The following MFHAS1 variants were observed in gnomAD, a reference collection of about 807,000 sequenced individuals.
MFHAS1 encodes the protein multifunctional ROCO family signaling regulator 1.
Under a neutral mutation model 70.4 loss-of-function variants are expected in MFHAS1, and 50 were observed. The observed-to-expected ratio is 0.71, with a 90% CI of 0.57 to 0.90. The LOEUF (loss-of-function observed/expected upper bound fraction) is 0.90. MFHAS1 is among the 40% of genes least tolerant of loss of function. The probability of loss-of-function intolerance (pLI) is 0.00; values close to 1 mark genes in which losing one functional copy is unlikely to be tolerated. For missense variants in MFHAS1, 1,795 were observed against 1,347.6 expected, an observed-to-expected ratio of 1.33 and a Z score of -5.20; for synonymous variants, 952 against 620.0, an observed-to-expected ratio of 1.54 and a Z score of -7.96.
At chr8:8,800,831 C>A (rs567063609) in intron 1 of MFHAS1, among the ~76,000 whole-genome samples, 2 of 152,242 alleles carry the variant, frequency 1.3e-5, no homozygotes, top group Admixed American at 1.3e-4. Flanking sequence ...AGCCCCTGTC[C>A]TCAGCACCCA....
intron 1 of MFHAS1, among the ~76,000 whole-genome samples, chr8:8,879,605 A>C (rs1370222663): frequency 2.0e-5 from 3 of 152,170 alleles, no homozygotes; most frequent in Non-Finnish European, 2.9e-5. Context: ...TTTGCTCAGT[A>C]GGATCACATT....
intron 1 of MFHAS1, among the ~76,000 whole-genome samples, chr8:8,859,343 C>G (rs547231786): frequency 1.3e-5 from 2 of 152,010 alleles, no homozygotes; most frequent in Non-Finnish European, 2.9e-5. Flanking sequence ...GACTCTGTGC[C>G]CCTCACACCA....
intron 2 of MFHAS1, among the ~76,000 whole-genome samples, chr8:8,789,652 G>C (rs1218156193): frequency 6.6e-6 from 1 of 152,080 alleles, no homozygotes; most frequent in Non-Finnish European, 1.5e-5. Context: ...TCCTACTCCG[G>C]ACCTTGCAAA....
At chr8:8,840,639 G>A (rs905546031) in intron 1 of MFHAS1, among the ~76,000 whole-genome samples, 15 of 152,082 alleles carry the variant, frequency 9.9e-5, no homozygotes, top group African/African-American at 3.6e-4. Context: ...TCTTCTGAAG[G>A]CACAATCTTT....
chr8:8,876,780 T>G (rs572094686), intron 1 of MFHAS1, among the ~76,000 whole-genome samples: 1 of 151,912 alleles, frequency 6.6e-6, no homozygotes, highest in Admixed American at 6.6e-5. Context: ...GAAAAGACTT[T>G]TTATCCACAA....
intron 1 of MFHAS1, among the ~76,000 whole-genome samples, chr8:8,805,316 T>A (rs1218548803): frequency 6.6e-6 from 1 of 152,208 alleles, no homozygotes; most frequent in African/African-American, 2.4e-5. Flanking sequence ...ACAAAAAGCC[T>A]ACTGTTGACT....
chr8:8,799,105 C>G (rs1026495032), intron 1 of MFHAS1, among the ~76,000 whole-genome samples: 22 of 151,790 alleles, frequency 1.4e-4, no homozygotes, highest in African/African-American at 4.8e-4. Context: ...GAAGAGCAGT[C>G]CCCCCTTATC....
intron 1 of MFHAS1, among the ~76,000 whole-genome samples, chr8:8,859,614 G>A (rs980671881): frequency 1.3e-5 from 2 of 152,078 alleles, no homozygotes; most frequent in Non-Finnish European, 1.5e-5. Context: ...GACCTTCACC[G>A]ATGATTTACT....
intron 1 of MFHAS1, among the ~76,000 whole-genome samples, chr8:8,831,215 T>C (rs1807374308): frequency 6.6e-6 from 1 of 152,018 alleles, no homozygotes; most frequent in South Asian, 2.1e-4. Context: ...TGATCTCATT[T>C]AACCTTAAAA....
intron 1 of MFHAS1, among the ~76,000 whole-genome samples, chr8:8,828,794 T>G (rs534416283): frequency 3.3e-5 from 5 of 152,176 alleles, no homozygotes; most frequent in African/African-American, 1.2e-4. Flanking sequence ...TGAATAAGCA[T>G]TGAGCAAAAG....
Position 8,849,064 on chromosome 8 carries a change from C to CTTTTTTTTTTT in MFHAS1, c.2998+40986_2998+40996dup, listed in dbSNP as rs145250762. Among the ~76,000 whole-genome samples the CTTTTTTTTTTT allele has an allele frequency of 2.6e-4, 20 of 75,804 alleles. 2 individuals are homozygous for CTTTTTTTTTTT. The highest frequency in any genetic ancestry group is 6.7e-4 in the African/African-American group (14 of 20,928). 49.7% of individuals were successfully genotyped at this position (75,804 alleles called of 152,430 possible). On this transcript the variant is annotated intron_variant, in intron 1 of 2. Transcript: ENST00000276282. ...TCTGCAGCAATTAATTCCTTTTTAC[C>CTTTTTTTTTTT]TTTTTTTTTTTTTTTTTTTTTTTTT...
intron 1 of MFHAS1, among the ~76,000 whole-genome samples, chr8:8,833,837 C>T (rs1166359987): frequency 6.6e-6 from 1 of 152,048 alleles, no homozygotes; most frequent in Non-Finnish European, 1.5e-5. Context: ...GCAGTACTTC[C>T]TAAAATGGAA....
At chr8:8,786,703 G>GTTT (rs56344671) in intron 2 of MFHAS1, among the ~76,000 whole-genome samples, 189 of 147,692 alleles carry the variant, frequency 1.3e-3, no homozygotes, top group Middle Eastern at 3.5e-3. Flanking sequence ...TTTGAAAGTG[G>GTTT]TTTTTTTTTT....
chr8:8,823,450 C>T (rs1807041390), intron 1 of MFHAS1, among the ~76,000 whole-genome samples: 1 of 152,118 alleles, frequency 6.6e-6, no homozygotes, highest in African/African-American at 2.4e-5. Flanking sequence ...CACCGTGAGT[C>T]CTCTGGGCCT....
chr8:8,826,247 A>AGTGTGT (rs112140342), intron 1 of MFHAS1, among the ~76,000 whole-genome samples: 52,296 of 147,580 alleles, frequency 0.35, 10,501 homozygotes, highest in East Asian at 0.62. Flanking sequence ...AAACACAAAG[A>AGTGTGT]GTGTGTGTGT....
intron 1 of MFHAS1, among the ~76,000 whole-genome samples, chr8:8,832,423 C>T (rs1807433995): frequency 1.8e-5 from 1 of 54,658 alleles, no homozygotes; most frequent in Non-Finnish European, 4.5e-5. Context: ...GAACAAGATA[C>T]TTCACACACA....
At chr8:8,816,745 G>T (rs1806762014) in intron 1 of MFHAS1, among the ~76,000 whole-genome samples, 2 of 152,024 alleles carry the variant, frequency 1.3e-5, no homozygotes, top group African/African-American at 4.8e-5. Flanking sequence ...ATATCAGTAG[G>T]TCAAAGTAGT....
At chr8:8,817,824 G>T (rs1480137336) in intron 1 of MFHAS1, among the ~76,000 whole-genome samples, 1 of 152,176 alleles carries the variant, frequency 6.6e-6, no homozygotes, top group Non-Finnish European at 1.5e-5. Flanking sequence ...AAGCTCCTAT[G>T]AGAACCTAAT....
intron 1 of MFHAS1, among the ~76,000 whole-genome samples, chr8:8,811,311 A>AT (rs1563184279): frequency 7.3e-4 from 100 of 136,568 alleles, no homozygotes; most frequent in African/African-American, 3.3e-3. Context: ...CCAGAATAAA[A>AT]ATTTTTTTTT....
Sources: gnomAD v4.1 joint callset for allele counts (sites outside exome capture counted in the v4.1 genomes callset) on GRCh38, gnomAD v4.1.1 for gene constraint, MANE v1.5 for transcripts, NCBI Gene and HGNC (gene_info 2026-07-23, HGNC 2026-07-21) for gene names.